ITGBL1: variants seen among roughly 807,000 people sequenced by gnomAD.
ITGBL1 encodes integrin beta-like protein 1.
A neutral mutation model predicts 68.5 loss-of-function variants in ITGBL1; 51 were observed. The observed-to-expected ratio is 0.74, with a 90% CI of 0.59 to 0.94. The LOEUF (loss-of-function observed/expected upper bound fraction) is 0.94. ITGBL1 is among the 40% of genes least tolerant of loss of function. The pLI is 0.00. For synonymous variants in ITGBL1, 209 were observed against 227.3 expected (o/e 0.92, Z 0.72); for missense variants, 649 against 647.4 (o/e 1.00, Z -0.03).
chr13:101,632,011 CA>C (rs141962556), intron 7 of ITGBL1, among the ~76,000 whole-genome samples: 2,464 of 150,740 alleles, frequency 0.016, 75 homozygotes, highest in African/African-American at 0.056. Context: ...ATACGGTACA[CA>C]AAAAAAAGCA....
In ITGBL1 at chr13:101,542,462, T is replaced by G. The variant is rs553655162; in HGVS notation, c.317-25237T>G. ...CCGTTCTTTTACATTTGCTGAGGAG[T>G]GCTTTACTTCCAACTATATGGTCAA... On this transcript the variant is annotated intron_variant, in intron 2 of 10. Transcript: ENST00000376180. 1.2e-4 allele frequency among the ~76,000 whole-genome samples: 19 copies of G among 152,294 alleles called. No homozygotes were observed. The South Asian group carries it at 3.9e-3, about 32-fold the overall frequency.
chr13:101,600,786 G>T (rs1239699509), intron 7 of ITGBL1, among the ~76,000 whole-genome samples: 1 of 152,160 alleles, frequency 6.6e-6, no homozygotes, highest in East Asian at 1.9e-4. Context: ...CAGGGATGAA[G>T]CCCACTTGAT....
chr13:101,470,327 A>AT (rs2048439968), intron 2 of ITGBL1, among the ~76,000 whole-genome samples: 1 of 151,814 alleles, frequency 6.6e-6, no homozygotes, highest in African/African-American at 2.4e-5. Flanking sequence ...TCCTTTTTTA[A>AT]TTAATTTATT....
chr13:101,689,777 A>G (rs2033843284), intron 7 of ITGBL1, among the ~76,000 whole-genome samples: 1 of 152,170 alleles, frequency 6.6e-6, no homozygotes, highest in Non-Finnish European at 1.5e-5. Context: ...AGATGTTTTG[A>G]TATAGGACAC....
At chr13:101,592,305 A>T (rs1212986033) in intron 6 of ITGBL1, among the ~76,000 whole-genome samples, 2 of 152,138 alleles carry the variant, frequency 1.3e-5, no homozygotes, top group Non-Finnish European at 2.9e-5. Context: ...AACATGTAGT[A>T]TTTGCTTAAA....
chr13:101,468,271 G>C (rs184351123), intron 2 of ITGBL1, among the ~76,000 whole-genome samples: 1 of 152,134 alleles, frequency 6.6e-6, no homozygotes, highest in South Asian at 2.1e-4. Context: ...TATTTGATTT[G>C]TTAACTATGT....
intron 7 of ITGBL1, among the ~76,000 whole-genome samples, chr13:101,601,262 C>T (rs1014100791): frequency 6.6e-6 from 1 of 152,150 alleles, no homozygotes; most frequent in African/African-American, 2.4e-5. Flanking sequence ...GTTTGTATTT[C>T]TGTGGGATTG....
intron 2 of ITGBL1, among the ~76,000 whole-genome samples, chr13:101,475,893 C>T (rs1477966158): frequency 6.6e-6 from 1 of 152,064 alleles, no homozygotes; most frequent in Non-Finnish European, 1.5e-5. Context: ...ACAAAACTTT[C>T]CCAGATAAAC....
chr13:101,600,198 AATT>A (rs1471052538), intron 7 of ITGBL1, among the ~76,000 whole-genome samples: 180 of 152,252 alleles, frequency 1.2e-3, no homozygotes, highest in African/African-American at 3.8e-3. Flanking sequence ...TCTTTGAAGC[AATT>A]GTGAATGGGA....
intron 2 of ITGBL1, among the ~76,000 whole-genome samples, chr13:101,535,942 C>T (rs567062917): frequency 3.3e-4 from 50 of 152,072 alleles, no homozygotes; most frequent in African/African-American, 1.2e-3. Context: ...GTATATTTCT[C>T]ATGGTTAGTT....
intron 6 of ITGBL1, among the ~76,000 whole-genome samples, chr13:101,592,662 G>T (rs1176456505): frequency 6.6e-6 from 1 of 151,948 alleles, no homozygotes. Context: ...AAAGTGCTAA[G>T]AACACACATT....
intron 2 of ITGBL1, among the ~76,000 whole-genome samples, chr13:101,474,958 T>C (rs2048514616): frequency 6.6e-6 from 1 of 152,166 alleles, no homozygotes; most frequent in Non-Finnish European, 1.5e-5. Flanking sequence ...AAATCCCTTC[T>C]AAGAAGGACA....
intron 5 of ITGBL1, among the ~76,000 whole-genome samples, chr13:101,582,603 C>T (rs1006107307): frequency 1.3e-5 from 2 of 152,130 alleles, no homozygotes; most frequent in African/African-American, 4.8e-5. Context: ...ATCTAGCAAA[C>T]CTTACTTCTT....
At chr13:101,463,637 G>A (rs1182777597) in intron 2 of ITGBL1, among the ~76,000 whole-genome samples, 2 of 152,068 alleles carry the variant, frequency 1.3e-5, no homozygotes, top group Admixed American at 6.6e-5. Context: ...TTCTGCTTCT[G>A]ACTCTTCCCT....
intron 7 of ITGBL1, among the ~76,000 whole-genome samples, chr13:101,605,558 A>G (rs1487702537): frequency 6.6e-6 from 1 of 151,640 alleles, no homozygotes; most frequent in Non-Finnish European, 1.5e-5. Context: ...GTATTTAGAC[A>G]TATGTATATG....
In ITGBL1 at chr13:101,655,032, C is replaced by T. The variant is rs182921597; in HGVS notation, c.1016-37553C>T. On this transcript the variant is annotated intron_variant, in intron 7 of 10. Coordinates refer to ENST00000376180, the MANE Select transcript of ITGBL1 (RefSeq NM_004791.3). ...AGGGAGTGCAGAGGAGAAGGGGCCACGAGGAATAGATCAGAATAGTGACGC... is the reference window on the plus strand; with the variant it reads ...AGGGAGTGCAGAGGAGAAGGGGCCATGAGGAATAGATCAGAATAGTGACGC... Among the ~76,000 whole-genome samples, 538 of 152,212 alleles carry T rather than the reference C, an allele frequency of 3.5e-3. 1 individual carries two copies. The highest frequency in any genetic ancestry group is 6.8e-3 in the Middle Eastern group (2 of 294).
chr13:101,452,955 A>G (rs2048185024), intron 1 of ITGBL1, 24 bp downstream of exon 1: 1 of 1,582,248 alleles, frequency 6.3e-7, no homozygotes, highest in South Asian at 1.1e-5. Context: ...GTTATTCTTC[A>G]GTACAGACCT....
chr13:101,624,181 A>C (rs1023938592), intron 7 of ITGBL1, among the ~76,000 whole-genome samples: 6 of 152,124 alleles, frequency 3.9e-5, no homozygotes, highest in African/African-American at 1.4e-4. Context: ...ATTCACTTAC[A>C]TATGTTTTAT....
chr13:101,674,342 T>G (rs2033449041), intron 7 of ITGBL1, among the ~76,000 whole-genome samples: 1 of 152,198 alleles, frequency 6.6e-6, no homozygotes, highest in Admixed American at 6.5e-5. Flanking sequence ...CCTTGTCTTC[T>G]TTTGCCACCC....
Sources: gnomAD v4.1 joint callset for allele counts (sites outside exome capture counted in the v4.1 genomes callset) on GRCh38, gnomAD v4.1.1 for gene constraint, MANE v1.5 for transcripts, NCBI Gene and HGNC (gene_info 2026-07-23, HGNC 2026-07-21) for gene names.